Variants in PTPN2 observed in about 807,000 individuals in gnomAD.
PTPN2 encodes the protein protein tyrosine phosphatase non-receptor type 2.
PTPN2 carries 19 observed loss-of-function variants against 57.3 expected under a neutral mutation model. The ratio of observed to expected loss-of-function variants is 0.33; its 90% CI spans 0.23 to 0.49. The LOEUF is 0.49. Ranked by LOEUF, PTPN2 falls within the 20% of genes least tolerant of loss-of-function variation. The probability of loss-of-function intolerance (pLI) is 0.99; values close to 1 mark genes in which losing one functional copy is unlikely to be tolerated. For missense variants in PTPN2, 358 were observed against 501.1 expected, an observed-to-expected ratio of 0.71 and a Z score of 2.73; for synonymous variants, 153 against 164.9, an observed-to-expected ratio of 0.93 and a Z score of 0.55.
chr18:12,874,243 G>C (rs1283878793), intron 1 of PTPN2, among the ~76,000 whole-genome samples: 24 of 148,958 alleles, frequency 1.6e-4, no homozygotes, highest in African/African-American at 6.0e-4. Flanking sequence ...CCCCGTCCGG[G>C]AGGGAGGTGG....
At chr18:12,866,721 T>C (rs1489445729) in intron 1 of PTPN2, among the ~76,000 whole-genome samples, 1 of 151,368 alleles carries the variant, frequency 6.6e-6, no homozygotes, top group Admixed American at 6.6e-5. Context: ...ATGTGAAATA[T>C]ATCTCGGCCG....
chr18:12,796,959 T>C (rs2041213087), intron 8 of PTPN2, among the ~76,000 whole-genome samples: 1 of 152,234 alleles, frequency 6.6e-6, no homozygotes. Flanking sequence ...TTTGTTCATC[T>C]TATGGTGCTT....
rs148160801 is a variant in PTPN2 at position 12,859,829 on chromosome 18, TA to T, written c.70-576del. On this transcript the variant is annotated intron_variant, in intron 1 of 8. Transcript: ENST00000309660. ...TATCATGTTTGTCATTACTTCTCCT[TA>T]AAAAAAAAATTATTTCTAGAGCCAT... Among the ~76,000 whole-genome samples the T allele has an allele frequency of 1.8e-3, 266 of 150,830 alleles. 2 individuals are homozygous for T. Among genetic ancestry groups the T allele is most frequent in the East Asian group, 0.01 (54 of 5,156 alleles).
At chr18:12,817,609 G>A (rs1053825405) in intron 5 of PTPN2, among the ~76,000 whole-genome samples, 23 of 152,132 alleles carry the variant, frequency 1.5e-4, no homozygotes, top group Non-Finnish European at 3.1e-4. Context: ...CCTGTTCTAA[G>A]CACTTTACTT....
At chr18:12,870,485 A>AGAGAGG (rs1779466641) in intron 1 of PTPN2, among the ~76,000 whole-genome samples, 1 of 101,470 alleles carries the variant, frequency 9.9e-6, no homozygotes, top group Admixed American at 1.1e-4. Context: ...AGAGAGAGAG[A>AGAGAGG]GAGAGAGAGA....
In PTPN2 at chr18:12,833,698, T is replaced by C. The variant is rs57095726; in HGVS notation, c.262-2657A>G. Among the ~76,000 whole-genome samples, 757 of 152,192 alleles carry C rather than the reference T, an allele frequency of 5.0e-3. 16 individuals carry two copies. The East Asian group carries it at 0.057, about 11-fold the overall frequency. Reference sequence around the variant, plus strand: ...GACTACACCACTAGAGTGACAGGGATGGTGCCAAGGGGAGACCTTAAAAAG... The same window carrying C: ...GACTACACCACTAGAGTGACAGGGACGGTGCCAAGGGGAGACCTTAAAAAG... On this transcript the variant is annotated intron_variant, in intron 3 of 8. Coordinates refer to ENST00000309660, the MANE Select transcript of PTPN2 (RefSeq NM_002828.4).
chr18:12,795,308 G>A (rs942253415), intron 8 of PTPN2, among the ~76,000 whole-genome samples: 1 of 152,052 alleles, frequency 6.6e-6, no homozygotes, highest in African/African-American at 2.4e-5. Flanking sequence ...TGGGGGAGGC[G>A]GGGTGGATGG....
At chr18:12,821,269 C>G (rs1334712072) in intron 5 of PTPN2, 1 of 152,172 alleles carries the variant, frequency 6.6e-6, no homozygotes, top group Non-Finnish European at 1.5e-5. Flanking sequence ...TGTGAAGTGC[C>G]TGCCATATCC....
At chr18:12,821,578 G>A (rs2145335145) in intron 5 of PTPN2, among the ~76,000 whole-genome samples, 1 of 152,324 alleles carries the variant, frequency 6.6e-6, no homozygotes, top group East Asian at 1.9e-4. Flanking sequence ...ATTGTGAAAG[G>A]CAGATCAAAC....
At chr18:12,805,623 C>T (rs2041617014) in intron 7 of PTPN2, among the ~76,000 whole-genome samples, 1 of 148,956 alleles carries the variant, frequency 6.7e-6, no homozygotes, top group Admixed American at 6.9e-5. Context: ...TGGAACAAGA[C>T]AAAGATGCCT....
chr18:12,817,585 T>TA (rs1413572920), intron 5 of PTPN2, among the ~76,000 whole-genome samples: 3 of 152,222 alleles, frequency 2.0e-5, no homozygotes, highest in African/African-American at 7.2e-5. Context: ...ATACAACACT[T>TA]ACTATTTTGG....
At chr18:12,881,974 G>A (rs111232979) in intron 1 of PTPN2, among the ~76,000 whole-genome samples, 72 of 152,300 alleles carry the variant, frequency 4.7e-4, no homozygotes, top group Non-Finnish European at 9.3e-4. Flanking sequence ...GAACTACAAT[G>A]AGGCCCCAAA....
At chr18:12,837,650 G>A (rs759666252) in intron 2 of PTPN2, among the ~76,000 whole-genome samples, 6 of 152,084 alleles carry the variant, frequency 3.9e-5, no homozygotes, top group African/African-American at 7.2e-5. Flanking sequence ...CACAACTGCC[G>A]GATGCATATC....
chr18:12,828,164 C>T (rs191777421), intron 4 of PTPN2, among the ~76,000 whole-genome samples: 139 of 152,254 alleles, frequency 9.1e-4, no homozygotes, highest in African/African-American at 3.2e-3. Context: ...GATTTTATAT[C>T]CCGCCAAACT....
At chr18:12,789,915 C>G (rs1173717454), downstream of PTPN2, among the ~76,000 whole-genome samples, 8 of 149,538 alleles carry the variant, frequency 5.3e-5, no homozygotes, top group Non-Finnish European at 1.2e-4. Flanking sequence ...TTATGAGAGA[C>G]AGAGAGAGAG....
chr18:12,852,069 A>G (rs1235994695), intron 2 of PTPN2, among the ~76,000 whole-genome samples: 1 of 152,120 alleles, frequency 6.6e-6, no homozygotes, highest in Admixed American at 6.5e-5. Flanking sequence ...GAGTTTTTCA[A>G]TGGATTTAGA....
chr18:12,844,760 T>C (rs1465213513), intron 2 of PTPN2, among the ~76,000 whole-genome samples: 2 of 152,240 alleles, frequency 1.3e-5, no homozygotes, highest in African/African-American at 4.8e-5. Flanking sequence ...TTCGATTTAG[T>C]ATAAATTATT....
intron 1 of PTPN2, among the ~76,000 whole-genome samples, chr18:12,859,966 A>G (rs148766395): frequency 3.5e-4 from 53 of 152,140 alleles, no homozygotes; most frequent in African/African-American, 1.2e-3. Flanking sequence ...GAGCCTGGCC[A>G]ACATTGTGAA....
chr18:12,848,335 T>A (rs1247442595), intron 2 of PTPN2, among the ~76,000 whole-genome samples: 2 of 152,232 alleles, frequency 1.3e-5, no homozygotes, highest in Non-Finnish European at 2.9e-5. Context: ...ATTCGTATCA[T>A]CTATAGTGGT....
Sources: gnomAD v4.1 joint callset for allele counts (sites outside exome capture counted in the v4.1 genomes callset) on GRCh38, gnomAD v4.1.1 for gene constraint, MANE v1.5 for transcripts, NCBI Gene and HGNC (gene_info 2026-07-23, HGNC 2026-07-21) for gene names.